The following STX8 variants were observed in gnomAD, a reference collection of about 807,000 sequenced individuals.
STX8 encodes syntaxin 8.
Under a neutral mutation model 37.5 loss-of-function variants are expected in STX8, and 23 were observed. The ratio of observed to expected loss-of-function variants is 0.61; its 90% CI spans 0.44 to 0.87. The LOEUF (loss-of-function observed/expected upper bound fraction) is 0.87. Among genes scored for constraint, STX8 ranks in the 40% least tolerant of loss-of-function variants. STX8 has a pLI of 0.00. For synonymous variants in STX8, 115 were observed against 99.1 expected (o/e 1.16, Z -0.95); for missense variants, 313 against 284.7 (o/e 1.10, Z -0.71).
At chr17:9,565,234 C>A (rs566066715) in intron 2 of STX8, among the ~76,000 whole-genome samples, 5 of 152,194 alleles carry the variant, frequency 3.3e-5, no homozygotes, top group Admixed American at 3.3e-4. Context: ...ATAAAAATAA[C>A]ATAGCTGGAA....
intron 4 of STX8, among the ~76,000 whole-genome samples, chr17:9,542,502 C>A (rs940656678): frequency 1.3e-5 from 2 of 151,476 alleles, no homozygotes; most frequent in African/African-American, 4.9e-5. Context: ...ATGGTGAAAC[C>A]CTGTCTCTAC....
intron 6 of STX8, among the ~76,000 whole-genome samples, chr17:9,459,022 C>G (rs1225688781): frequency 6.6e-6 from 1 of 151,564 alleles, no homozygotes; most frequent in Non-Finnish European, 1.5e-5. Context: ...TTAGTAGAGA[C>G]AGGGTTTCAC....
intron 6 of STX8, among the ~76,000 whole-genome samples, chr17:9,388,070 ATT>A (rs573146328): frequency 0.027 from 3,507 of 130,254 alleles, 111 homozygotes; most frequent in African/African-American, 0.09. Context: ...AAACAACTCT[ATT>A]TTTTTTTTTT....
At chr17:9,398,362 G>C (rs770039717) in intron 6 of STX8, among the ~76,000 whole-genome samples, 2 of 152,136 alleles carry the variant, frequency 1.3e-5, no homozygotes, top group African/African-American at 2.4e-5. Flanking sequence ...AAAAACATCA[G>C]GCAAATTCTA....
intron 6 of STX8, among the ~76,000 whole-genome samples, chr17:9,463,537 G>T (rs968699998): frequency 6.6e-6 from 1 of 152,144 alleles, no homozygotes; most frequent in Admixed American, 6.5e-5. Context: ...GGCTGAGGCA[G>T]GTGGATCACT....
intron 7 of STX8, among the ~76,000 whole-genome samples, chr17:9,295,378 G>C (rs1908477174): frequency 6.6e-6 from 1 of 152,186 alleles, no homozygotes; most frequent in Non-Finnish European, 1.5e-5. Flanking sequence ...CTGGTCCCTA[G>C]CATGTAGCAG....
intron 6 of STX8, chr17:9,437,828 C>A (rs1051165799): frequency 6.6e-6 from 1 of 152,172 alleles, no homozygotes; most frequent in Non-Finnish European, 1.5e-5. Flanking sequence ...CTCTTAGACG[C>A]CTCTGTTTGC....
intron 6 of STX8, among the ~76,000 whole-genome samples, chr17:9,399,514 G>A (rs772600404): frequency 3.3e-5 from 5 of 152,122 alleles, no homozygotes; most frequent in Non-Finnish European, 5.9e-5. Flanking sequence ...AAAAGTGGGC[G>A]TCAGCTCAAA....
At chr17:9,299,187 G>C (rs1325911823) in intron 7 of STX8, among the ~76,000 whole-genome samples, 2 of 152,062 alleles carry the variant, frequency 1.3e-5, no homozygotes, top group Admixed American at 6.5e-5. Flanking sequence ...ACACACTCAC[G>C]CAGGCACAGT....
intron 2 of STX8, among the ~76,000 whole-genome samples, chr17:9,559,751 TA>T (rs1907136817): frequency 2.3e-3 from 14 of 6,190 alleles, no homozygotes; most frequent in Admixed American, 6.0e-3. Flanking sequence ...TATATATATA[TA>T]TATATATATT....
At chr17:9,400,098 T>C (rs1912551097) in intron 6 of STX8, among the ~76,000 whole-genome samples, 2 of 126,880 alleles carry the variant, frequency 1.6e-5, no homozygotes, top group African/African-American at 3.0e-5. Flanking sequence ...ATTTAATTTG[T>C]TGTTATTATT....
chr17:9,290,147 T>C (rs948465580), intron 7 of STX8, among the ~76,000 whole-genome samples: 6 of 152,008 alleles, frequency 3.9e-5, no homozygotes, highest in Non-Finnish European at 7.4e-5. Context: ...TGTGAAAGAG[T>C]TGAAAGTACC....
chr17:9,274,456 C>T lies in STX8; in HGVS notation c.644-23811G>A, dbSNP rs187508082. On this transcript the variant is annotated intron_variant, in intron 7 of 7. Transcript: ENST00000306357. ...CTTTGGGAGGCTGAGGCGGGCGGAT[C>T]ACAAGGTCAGGAGATCGAGACCATC... is the stretch of plus-strand genomic sequence containing the variant. Among the ~76,000 whole-genome samples, 1,218 of 151,952 alleles carry T rather than the reference C, an allele frequency of 8.0e-3. 10 individuals carry two copies. The highest frequency in any genetic ancestry group is 0.023 in the South Asian group (111 of 4,776).
chr17:9,439,000 T>G (rs1904545288), intron 6 of STX8, among the ~76,000 whole-genome samples: 2 of 152,144 alleles, frequency 1.3e-5, no homozygotes, highest in South Asian at 4.1e-4. Context: ...TGTTTTGCTT[T>G]TACAAAAAGT....
At chr17:9,467,782 C>T (rs923636715) in intron 6 of STX8, among the ~76,000 whole-genome samples, 1 of 152,200 alleles carries the variant, frequency 6.6e-6, no homozygotes, top group Admixed American at 6.5e-5. Context: ...ACCAAGGTTG[C>T]CTGCTCTGAC....
At chr17:9,528,870 A>G (rs1454140446) in intron 4 of STX8, among the ~76,000 whole-genome samples, 2 of 152,152 alleles carry the variant, frequency 1.3e-5, no homozygotes, top group African/African-American at 4.8e-5. Flanking sequence ...ATATTTTTCC[A>G]GAGGGAAAGA....
intron 6 of STX8, among the ~76,000 whole-genome samples, chr17:9,439,532 ATT>A (rs750040200): frequency 9.2e-5 from 12 of 131,030 alleles, no homozygotes; most frequent in Non-Finnish European, 1.0e-4. Context: ...CTGCCATATA[ATT>A]TTTTTTTTTT....
chr17:9,271,611 G>A (rs1476710687), intron 7 of STX8, among the ~76,000 whole-genome samples: 1 of 152,066 alleles, frequency 6.6e-6, no homozygotes, highest in Non-Finnish European at 1.5e-5. Flanking sequence ...TTAGATGGGC[G>A]TGGTAGCACG....
chr17:9,520,529 T>G (rs777195534), intron 4 of STX8, among the ~76,000 whole-genome samples: 3 of 152,212 alleles, frequency 2.0e-5, no homozygotes, highest in Non-Finnish European at 2.9e-5. Context: ...TTCAAATAAA[T>G]GAAACTTATC....
Sources: gnomAD v4.1 joint callset for allele counts (sites outside exome capture counted in the v4.1 genomes callset) on GRCh38, gnomAD v4.1.1 for gene constraint, MANE v1.5 for transcripts, NCBI Gene and HGNC (gene_info 2026-07-23, HGNC 2026-07-21) for gene names.